The following SHANK2 variants were observed in gnomAD, a reference collection of about 807,000 sequenced individuals.
SHANK2 encodes SH3 and multiple ankyrin repeat domains 2, also known as SH3 and multiple ankyrin repeat domains protein 2.
Under a neutral mutation model 133.7 loss-of-function variants are expected in SHANK2, and 43 were observed. The ratio of observed to expected loss-of-function variants is 0.32; its 90% CI spans 0.25 to 0.41. The LOEUF (loss-of-function observed/expected upper bound fraction) is 0.41. Ranked by LOEUF, SHANK2 falls within the 10% of genes least tolerant of loss-of-function variation. The probability of loss-of-function intolerance (pLI) is 1.00; values close to 1 mark genes in which losing one functional copy is unlikely to be tolerated. For missense variants in SHANK2, 1,994 were observed against 2,235.8 expected (o/e 0.89, Z 2.18); for synonymous variants, 1,017 against 952.8 (o/e 1.07, Z -1.24).
chr11:70,534,940 A>C (rs754870300), intron 17 of SHANK2, among the ~76,000 whole-genome samples: 1 of 151,986 alleles, frequency 6.6e-6, no homozygotes, highest in Non-Finnish European at 1.5e-5. Flanking sequence ...TTAGCTATGC[A>C]GGGGCAGGAG....
rs117095764 is a variant in SHANK2 at position 70,479,614 on chromosome 11, G to A, written c.4979+5700C>T. ...CCCACTGCAAAGGGCTGGCGACCTA[G>A]AGGGGACTCTGGGGAACTCTTATAG... On this transcript the variant is annotated intron_variant, in intron 25 of 25. Coordinates refer to ENST00000601538, the MANE Select transcript of SHANK2 (RefSeq NM_012309.5). The surrounding 1 kb of genome is among the most constrained non-coding windows in gnomAD (Gnocchi z 4.4). Among the ~76,000 whole-genome samples, 2,116 of 152,350 alleles carry A rather than the reference G, an allele frequency of 0.014. 20 individuals carry two copies. The highest frequency in any genetic ancestry group is 0.066 in the South Asian group (318 of 4,824).
chr11:71,145,380 GCT>G (rs1555106525), intron 3 of SHANK2, among the ~76,000 whole-genome samples: 2 of 152,264 alleles, frequency 1.3e-5, no homozygotes, highest in African/African-American at 4.8e-5. Context: ...CGCATTCAAA[GCT>G]GTCCTGGGCT....
intron 11 of SHANK2, among the ~76,000 whole-genome samples, chr11:70,847,036 T>G (rs1370037330): frequency 6.6e-6 from 1 of 152,204 alleles, no homozygotes; most frequent in Non-Finnish European, 1.5e-5. Context: ...TTCCCATCCC[T>G]GAGCAAGATG....
chr11:70,776,340 A>C (rs1177745987), intron 14 of SHANK2, among the ~76,000 whole-genome samples: 1 of 152,146 alleles, frequency 6.6e-6, no homozygotes, highest in Non-Finnish European at 1.5e-5. Context: ...GAGGCCTGCA[A>C]ACTGGACTTG....
chr11:70,914,980 T>C (rs1329656522), intron 10 of SHANK2, among the ~76,000 whole-genome samples: 3 of 152,060 alleles, frequency 2.0e-5, no homozygotes, highest in Non-Finnish European at 2.9e-5. Context: ...GCAGGAATCT[T>C]GTAGGCTACA....
intron 14 of SHANK2, among the ~76,000 whole-genome samples, chr11:70,783,792 G>A (rs988177953): frequency 2.0e-5 from 3 of 152,220 alleles, no homozygotes; most frequent in Admixed American, 6.5e-5. Flanking sequence ...CTTGTTACGC[G>A]CCACACAGAA....
intron 14 of SHANK2, among the ~76,000 whole-genome samples, chr11:70,722,085 C>T (rs1214755977): frequency 6.6e-6 from 1 of 152,240 alleles, no homozygotes; most frequent in Non-Finnish European, 1.5e-5. Context: ...AATCATCTTC[C>T]CGCTTTGTCA....
At chr11:71,072,379 A>G (rs1277969536) in intron 9 of SHANK2, among the ~76,000 whole-genome samples, 3 of 152,184 alleles carry the variant, frequency 2.0e-5, no homozygotes, top group Non-Finnish European at 4.4e-5. Context: ...TGGCCTTGTC[A>G]TTTAGGATGC....
In SHANK2 at chr11:70,709,487, G is replaced by A. The variant is rs568937986; in HGVS notation, c.1778-10724C>T. 1.7e-4 allele frequency among the ~76,000 whole-genome samples: 26 copies of A among 152,372 alleles called. No homozygotes were observed. In the South Asian group the frequency reaches 5.0e-3, roughly 29 times the overall value. On this transcript the variant is annotated intron_variant, in intron 14 of 25. Transcript: ENST00000601538. ...CAGGTCTGACCTGGCTGAGGAAGGA[G>A]GAGGAAGTCTCAGCAGAGATGGGGA...
intron 3 of SHANK2, among the ~76,000 whole-genome samples, chr11:71,122,850 C>T (rs1382758781): frequency 3.9e-5 from 6 of 152,070 alleles, no homozygotes; most frequent in Non-Finnish European, 7.4e-5. Context: ...CTTGCCTACC[C>T]CTTGACCTTG....
intron 2 of SHANK2, among the ~76,000 whole-genome samples, chr11:71,203,229 G>A (rs993707230): frequency 1.3e-5 from 2 of 152,136 alleles, no homozygotes; most frequent in Admixed American, 6.5e-5. Context: ...AGGAGGCAGC[G>A]AACCTTTGCC....
At position 70,502,025 on chromosome 11, in the gene SHANK2, A is replaced by C. The variant is rs1470555284; in HGVS notation, c.2279-94T>G. The C allele has an allele frequency of 3.5e-6, 5 of 1,419,948 alleles. No individual in the cohort carries two copies. In the African/African-American group the frequency reaches 5.7e-5, roughly 16 times the overall value. The allele number at this position is 1,419,948 out of a possible 1,614,324, so 88.0% of individuals were successfully genotyped here. On this transcript the variant is annotated intron_variant, in intron 19 of 25. Transcript: ENST00000601538. ...AGCAACAACGCCCCGCGAGGCTCCG[A>C]GGGAGGTGCACACATGGGGCTGCGG...
chr11:71,108,599 C>T (rs1314730281), intron 6 of SHANK2, among the ~76,000 whole-genome samples: 1 of 152,246 alleles, frequency 6.6e-6, no homozygotes, highest in East Asian at 1.9e-4. Flanking sequence ...CCAGCGGAAG[C>T]CCAGCCTTGT....
intron 1 of SHANK2, among the ~76,000 whole-genome samples, chr11:71,237,110 G>A (rs540976006): frequency 6.6e-6 from 1 of 152,178 alleles, no homozygotes; most frequent in South Asian, 2.1e-4. Flanking sequence ...AACCCGAGGG[G>A]ACTGCAGCAA....
At chr11:70,677,442 G>A (rs1322227331) in intron 15 of SHANK2, among the ~76,000 whole-genome samples, 3 of 152,230 alleles carry the variant, frequency 2.0e-5, no homozygotes, top group Non-Finnish European at 4.4e-5. Context: ...AATTAGCCTC[G>A]CTCGAATGAA....
chr11:70,898,935 A>C (rs1447136758), intron 10 of SHANK2, among the ~76,000 whole-genome samples: 3 of 152,252 alleles, frequency 2.0e-5, no homozygotes, highest in African/African-American at 7.2e-5. Context: ...AAAGAAGACT[A>C]TCGGACTTAA....
intron 17 of SHANK2, among the ~76,000 whole-genome samples, chr11:70,538,567 C>T (rs2059573742): frequency 6.6e-6 from 1 of 152,242 alleles, no homozygotes; most frequent in African/African-American, 2.4e-5. Context: ...CAGAGTAAAG[C>T]TCTGGTCAGG....
intron 3 of SHANK2, among the ~76,000 whole-genome samples, chr11:71,133,483 G>A (rs73523256): frequency 0.1 from 14,898 of 142,156 alleles, 2,636 homozygotes; most frequent in African/African-American, 0.36. Context: ...GAGAGACAGA[G>A]GGATGGACGG....
At chr11:70,723,958 G>C (rs782699455) in intron 14 of SHANK2, among the ~76,000 whole-genome samples, 5 of 151,252 alleles carry the variant, frequency 3.3e-5, no homozygotes, top group Non-Finnish European at 5.9e-5. Context: ...TCAAGACCTT[G>C]CCAAATCCAC....
Sources: allele counts gnomAD v4.1 joint callset (sites outside exome capture counted in the v4.1 genomes callset), GRCh38; gene constraint gnomAD v4.1.1; non-coding constraint Gnocchi (gnomAD v3.1); transcripts MANE v1.5; gene names NCBI Gene and HGNC (gene_info 2026-07-23, HGNC 2026-07-21).